Variants in PIGF observed in about 807,000 individuals in gnomAD.
PIGF encodes phosphatidylinositol glycan anchor biosynthesis class F.
Under a neutral mutation model 26.0 loss-of-function variants are expected in PIGF, and 23 were observed. That is an observed-to-expected ratio of 0.88 (90% confidence interval 0.64 to 1.25). PIGF has a LOEUF of 1.25. Among genes scored for constraint, PIGF ranks in the 50% most tolerant of loss-of-function variants. The pLI, the probability that PIGF is intolerant of heterozygous loss-of-function variation, is 0.00. For synonymous variants in PIGF, 93 were observed against 92.6 expected, an observed-to-expected ratio of 1.00 and a Z score of -0.03; for missense variants, 278 against 249.9, an observed-to-expected ratio of 1.11 and a Z score of -0.76.
chr2:46,606,294 A>T (rs1386230201), intron 4 of PIGF, among the ~76,000 whole-genome samples: 1 of 152,190 alleles, frequency 6.6e-6, no homozygotes, highest in Non-Finnish European at 1.5e-5. Flanking sequence ...TTTCTCACAT[A>T]TCCTTCCAGA....
intron 5 of PIGF, chr2:46,591,600 A>T (rs892349979): frequency 1.1e-6 from 1 of 949,568 alleles, no homozygotes; most frequent in Non-Finnish European, 1.3e-6. Context: ...AGTGTTTATT[A>T]TCACAAAATA....
chr2:46,610,215 C>T (rs1349258983), intron 4 of PIGF, among the ~76,000 whole-genome samples: 1 of 152,094 alleles, frequency 6.6e-6, no homozygotes, highest in Non-Finnish European at 1.5e-5. Flanking sequence ...TTTTGTACAG[C>T]GTAGTGATTT....
chr2:46,588,017 G>A lies in PIGF; in HGVS notation c.546+4458C>T. ...ACCTGAGTAATGCTAAGCAAGATGTGTACTCCTCCCCTCTCACACTTGGAC... is the reference window on the plus strand; with the variant it reads ...ACCTGAGTAATGCTAAGCAAGATGTATACTCCTCCCCTCTCACACTTGGAC... On this transcript the variant is annotated intron_variant, in intron 5 of 5. Coordinates refer to ENST00000281382, the MANE Select transcript of PIGF (RefSeq NM_002643.4). This position sits in a 1 kb window ranked among gnomAD's most constrained non-coding sequence, Gnocchi z 4.1. 7.0e-7 allele frequency: 1 copy of A among 1,430,022 alleles called. No individual in the cohort carries two copies. Among genetic ancestry groups the A allele is most frequent in the Non-Finnish European group, 9.3e-7 (1 of 1,077,800 alleles). 88.6% of individuals were successfully genotyped at this position (1,430,022 alleles called of 1,614,324 possible). A position where few individuals can be genotyped will look rare whatever the true frequency, so the allele number is the denominator to read the frequency against.
intron 4 of PIGF, among the ~76,000 whole-genome samples, chr2:46,595,973 A>T (rs1039242705): frequency 3.3e-5 from 5 of 152,082 alleles, no homozygotes; most frequent in African/African-American, 1.2e-4. Flanking sequence ...CCAACACTTC[A>T]GGACGCAGAG....
intron 1 of PIGF, 176 bp from the exon 2 acceptor site, chr2:46,615,361 C>G (rs1375269897): frequency 2.2e-6 from 1 of 458,714 alleles, no homozygotes; most frequent in Non-Finnish European, 3.9e-6. Flanking sequence ...TTCTATTCTA[C>G]CTTTGATTTT....
chr2:46,585,066 G>T (rs1302028635), intron 5 of PIGF, among the ~76,000 whole-genome samples: 1 of 152,076 alleles, frequency 6.6e-6, no homozygotes, highest in Non-Finnish European at 1.5e-5. Context: ...CGTTCTTCAT[G>T]CCACAAATAG....
chr2:46,600,205 A>G (rs578100235), intron 4 of PIGF, among the ~76,000 whole-genome samples: 2 of 152,332 alleles, frequency 1.3e-5, no homozygotes, highest in East Asian at 1.9e-4. Flanking sequence ...TGGTAGATTG[A>G]TAAGAGGTAA....
At chr2:46,601,865 T>G (rs970582119) in intron 4 of PIGF, among the ~76,000 whole-genome samples, 1 of 152,022 alleles carries the variant, frequency 6.6e-6, no homozygotes, top group African/African-American at 2.4e-5. Context: ...GCAAGATTTT[T>G]GTTTAGTACT....
chr2:46,598,824 G>C (rs748978648), intron 4 of PIGF, among the ~76,000 whole-genome samples: 1 of 151,970 alleles, frequency 6.6e-6, no homozygotes, highest in Non-Finnish European at 1.5e-5. Flanking sequence ...TGAATTCTAT[G>C]GTATACAGTT....
At position 46,613,709 on chromosome 2, in the gene PIGF, C is replaced by G. The variant is rs922153194; in HGVS notation, c.305G>C (p.Gly102Ala). ...FSFHVIFVLY[G>A]APLIELALET... The stretch of plus-strand genomic sequence containing the variant: ...TCAAACTTACTCTATCAGTGGTGCT[C>G]CATACAGAACAAAAATTACATGAAA... Residue 102 changes from glycine (G) to alanine (A), a missense_variant, in exon 3 of 6, where the codon GGA becomes GCA. Physicochemically the swap from Gly to Ala is moderately conservative, Grantham distance 60. Transcript: ENST00000281382. 1.3e-6 allele frequency: 2 copies of G among 1,555,318 alleles called. No homozygotes were observed. The highest frequency in any genetic ancestry group is 2.7e-5 in the African/African-American group (2 of 72,998).
intron 5 of PIGF, among the ~76,000 whole-genome samples, chr2:46,584,490 A>T (rs935364353): frequency 2.0e-5 from 3 of 152,190 alleles, no homozygotes; most frequent in Non-Finnish European, 4.4e-5. Context: ...CTTTGTTCTC[A>T]AACACATACA....
intron 3 of PIGF, 78 bp downstream of exon 3, chr2:46,613,616 T>C: frequency 9.8e-7 from 1 of 1,017,628 alleles, no homozygotes; most frequent in Non-Finnish European, 1.4e-6. Flanking sequence ...GGTTTTTCTC[T>C]AGTTGCTAAG....
intron 2 of PIGF, chr2:46,614,735 C>A: frequency 2.1e-6 from 1 of 483,294 alleles, no homozygotes; most frequent in Non-Finnish European, 3.7e-6. Flanking sequence ...GTCATAATTC[C>A]ATAATTAATG....
In PIGF at chr2:46,617,028, G is replaced by T. The variant is rs1038997346; in HGVS notation, c.-80C>A. On this transcript the variant is annotated 5_prime_UTR_variant, in exon 1 of 6. Transcript: ENST00000281382. Reference sequence around the variant, plus strand: ...ACTACTGCCTCCTACCATCAGGTACGACGGGCGGCCCAGGCCCACGCGCAG... The same window carrying T: ...ACTACTGCCTCCTACCATCAGGTACTACGGGCGGCCCAGGCCCACGCGCAG... The T allele has an allele frequency of 3.4e-6, 2 of 587,346 alleles. No homozygotes were observed. Among genetic ancestry groups the T allele is most frequent in the Admixed American group, 3.1e-5 (1 of 32,500 alleles). The allele number at this position is 587,346 out of a possible 1,614,324, so 36.4% of individuals were successfully genotyped here. A position where few individuals can be genotyped will look rare whatever the true frequency, so the allele number is the denominator to read the frequency against.
intron 4 of PIGF, among the ~76,000 whole-genome samples, chr2:46,599,442 A>G (rs1226067371): frequency 6.6e-6 from 1 of 151,440 alleles, no homozygotes; most frequent in East Asian, 1.9e-4. Flanking sequence ...CATCCCTTTC[A>G]TTTCTCCTCT....
At chr2:46,596,192 G>A (rs116275438) in intron 4 of PIGF, among the ~76,000 whole-genome samples, 9,743 of 144,820 alleles carry the variant, frequency 0.067, 421 homozygotes, top group Non-Finnish European at 0.1. Context: ...CCAGCCTGGC[G>A]ACAGAGCGAG....
intron 5 of PIGF, chr2:46,591,978 T>G (rs1306729519): frequency 7.7e-7 from 1 of 1,300,574 alleles, no homozygotes; most frequent in Non-Finnish European, 1.0e-6. Flanking sequence ...GTTCAGAAAA[T>G]ATGAATATAA....
chr2:46,593,690 G>A (rs112513003), intron 4 of PIGF, among the ~76,000 whole-genome samples: 4 of 152,176 alleles, frequency 2.6e-5, no homozygotes, highest in African/African-American at 9.7e-5. Context: ...TTACAGTCAG[G>A]TAAAAGCCCA....
intron 4 of PIGF, among the ~76,000 whole-genome samples, chr2:46,611,394 G>T (rs1670409781): frequency 6.6e-6 from 1 of 151,264 alleles, no homozygotes; most frequent in African/African-American, 2.4e-5. Context: ...TGAGGCAGGA[G>T]AATCACTTGA....
Sources: allele counts gnomAD v4.1 joint callset (sites outside exome capture counted in the v4.1 genomes callset), GRCh38; gene constraint gnomAD v4.1.1; non-coding constraint Gnocchi (gnomAD v3.1); transcripts MANE v1.5; gene names NCBI Gene and HGNC (gene_info 2026-07-23, HGNC 2026-07-21).